USH2A: variants seen among roughly 807,000 people sequenced by gnomAD.
USH2A encodes the protein usherin, also known as Usher syndrome 2A (autosomal recessive, mild).
A neutral mutation model predicts 538.9 loss-of-function variants in USH2A; 443 were observed. That is an observed-to-expected ratio of 0.82 (90% CI 0.76 to 0.89). The LOEUF (loss-of-function observed/expected upper bound fraction) is 0.89. Ranked by LOEUF, USH2A falls within the 40% of genes least tolerant of loss-of-function variation. The probability of loss-of-function intolerance (pLI) is 0.00; values close to 1 mark genes in which losing one functional copy is unlikely to be tolerated. For missense variants in USH2A, 6,633 were observed against 6,324.8 expected (o/e 1.05, Z -1.65); for synonymous variants, 2,413 against 2,273.5 (o/e 1.06, Z -1.75).
chr1:216,135,628 T>C (rs1043217059), intron 21 of USH2A, among the ~76,000 whole-genome samples: 1 of 152,066 alleles, frequency 6.6e-6, no homozygotes, highest in African/African-American at 2.4e-5. Context: ...ATACACCAAA[T>C]GGGAAAATGA....
intron 58 of USH2A, among the ~76,000 whole-genome samples, chr1:215,752,674 C>T (rs1439312726): frequency 1.3e-5 from 2 of 152,150 alleles, no homozygotes; most frequent in African/African-American, 2.4e-5. Context: ...AGGGGCTCAC[C>T]ACTTCCACAA....
intron 49 of USH2A, among the ~76,000 whole-genome samples, chr1:215,808,062 A>G (rs1203851885): frequency 6.6e-6 from 1 of 152,134 alleles, no homozygotes; most frequent in Non-Finnish European, 1.5e-5. Flanking sequence ...TCCAGAACCA[A>G]TATCTTATTC....
intron 3 of USH2A, among the ~76,000 whole-genome samples, chr1:216,395,014 A>G (rs1055727050): frequency 4.2e-4 from 64 of 152,192 alleles, no homozygotes; most frequent in Non-Finnish European, 6.0e-4. Context: ...CACCGCGCCC[A>G]GCCGGTCCAG....
rs776936577 is a variant in USH2A, at chr1:215,647,616, G to A, written c.14697C>T (p.Leu4899=). Residue 4899 remains leucine, a synonymous_variant, in exon 67 of 72, where the codon CTC becomes CTT. Coordinates refer to ENST00000307340, the MANE Select transcript of USH2A (RefSeq NM_206933.4). ...GLGQKASLGG[L]QPYTTYKLRV... ...TCAGCTTGTATGTGGTGTAGGGCTG[G>A]AGACCCCCAAGGCTGGCTTTCTGCC... 2 of 1,614,044 alleles carry A rather than the reference G, an allele frequency of 1.2e-6. No individual in the cohort carries two copies. Among genetic ancestry groups the A allele is most frequent in the Non-Finnish European group, 1.7e-6 (2 of 1,180,042 alleles).
At chr1:215,762,347 A>C (rs937515916) in intron 56 of USH2A, among the ~76,000 whole-genome samples, 1 of 152,194 alleles carries the variant, frequency 6.6e-6, no homozygotes, top group African/African-American at 2.4e-5. Flanking sequence ...AAGGTACTAG[A>C]ATGGCTATTG....
At chr1:215,825,701 A>G (rs570145380) in intron 47 of USH2A, among the ~76,000 whole-genome samples, 113 of 152,254 alleles carry the variant, frequency 7.4e-4, no homozygotes, top group Non-Finnish European at 5.9e-5. Context: ...TTTATGTAAC[A>G]CTCAAGTTCT....
intron 64 of USH2A, among the ~76,000 whole-genome samples, chr1:215,654,959 C>T (rs527601956): frequency 6.6e-6 from 1 of 152,348 alleles, no homozygotes; most frequent in South Asian, 2.1e-4. Context: ...GCCATAATCA[C>T]ATTGCTGTGA....
intron 37 of USH2A, among the ~76,000 whole-genome samples, chr1:215,954,379 C>A (rs1357462675): frequency 6.6e-6 from 1 of 152,004 alleles, no homozygotes; most frequent in East Asian, 1.9e-4. Flanking sequence ...GAATACTATG[C>A]AGCCATAAAA....
At position 216,145,485 on chromosome 1, in the gene USH2A, A is replaced by T. The variant is rs542602610; in HGVS notation, c.4627+29767T>A. Reference sequence around the variant, plus strand: ...AGGCTTAATTCAGTATTTTAAGATTAAAAAAAATCTTGTTGATTACTTGCT... The same window carrying T: ...AGGCTTAATTCAGTATTTTAAGATTTAAAAAAATCTTGTTGATTACTTGCT... On this transcript the variant is annotated intron_variant, in intron 21 of 71. Coordinates refer to ENST00000307340, the MANE Select transcript of USH2A (RefSeq NM_206933.4). Among the ~76,000 whole-genome samples, 10 of 152,262 alleles carry T rather than the reference A, an allele frequency of 6.6e-5. No individual in the cohort carries two copies. In the South Asian group the frequency reaches 1.0e-3, roughly 16 times the overall value.
rs143654760 is a variant in USH2A, at chr1:215,881,870, G to T, written c.8224-2772C>A. Among the ~76,000 whole-genome samples the T allele has an allele frequency of 3.1e-3, 477 of 152,228 alleles. 5 individuals carry two copies. The highest frequency in any genetic ancestry group is 0.011 in the African/African-American group (456 of 41,548). ...CTTCAGAAAATAGGACGGCTAAATTGCCGGTTAAGTGTTTAAGGAACGATT... is the reference window on the plus strand; with the variant it reads ...CTTCAGAAAATAGGACGGCTAAATTTCCGGTTAAGTGTTTAAGGAACGATT... On this transcript the variant is annotated intron_variant, in intron 41 of 71. Transcript: ENST00000307340.
intron 61 of USH2A, among the ~76,000 whole-genome samples, chr1:215,700,773 G>A (rs1213483877): frequency 3.3e-5 from 5 of 151,844 alleles, no homozygotes; most frequent in Admixed American, 6.6e-5. Context: ...TGGATTTATC[G>A]ATTTTTTGAA....
At chr1:215,799,197 T>C in intron 49 of USH2A, 72 bp from the exon 50 acceptor site, 2 of 1,442,706 alleles carry the variant, frequency 1.4e-6, no homozygotes, top group Middle Eastern at 2.1e-4. Context: ...TTAACTTTTA[T>C]CACAATCATC....
intron 20 of USH2A, among the ~76,000 whole-genome samples, chr1:216,182,461 C>A (rs2034512589): frequency 6.6e-6 from 1 of 152,020 alleles, no homozygotes. Context: ...TAAATATAGA[C>A]CTGGCCACAG....
chr1:215,825,807 C>T (rs1445394643), intron 47 of USH2A, among the ~76,000 whole-genome samples: 2 of 152,134 alleles, frequency 1.3e-5, no homozygotes, highest in African/African-American at 2.4e-5. Context: ...TCTTTGCTTT[C>T]AAGTCAAGTC....
At chr1:215,646,200 C>G (rs1656846914) in intron 67 of USH2A, among the ~76,000 whole-genome samples, 1 of 152,042 alleles carries the variant, frequency 6.6e-6, no homozygotes, top group Admixed American at 6.6e-5. Context: ...TGGCATGTGA[C>G]CTGTGCTGTT....
At chr1:215,725,762 GC>G (rs1180918408) in intron 61 of USH2A, among the ~76,000 whole-genome samples, 2 of 152,172 alleles carry the variant, frequency 1.3e-5, no homozygotes, top group East Asian at 3.9e-4. Flanking sequence ...CAAAATGAAA[GC>G]CACATCAGGG....
At chr1:215,783,430 C>T (rs987056734) in intron 52 of USH2A, among the ~76,000 whole-genome samples, 3 of 152,058 alleles carry the variant, frequency 2.0e-5, no homozygotes, top group African/African-American at 7.2e-5. Context: ...TATCATGGTA[C>T]CATGTTAGTG....
Position 216,070,209 on chromosome 1 carries a change from TGACAACAG to T in USH2A, c.5933_5940del (p.Pro1978GlnfsTer5). 1.2e-6 allele frequency: 2 copies of T among 1,614,058 alleles called. No homozygotes were observed. The highest frequency in any genetic ancestry group is 1.7e-6 in the Non-Finnish European group (2 of 1,179,944). On this transcript the variant is annotated frameshift_variant, in exon 30 of 72. Coordinates refer to ENST00000307340, the MANE Select transcript of USH2A (RefSeq NM_206933.4). LOFTEE classifies it high-confidence loss of function. Reference sequence around the variant, plus strand: ...AGAATGTACTTCTCAATTACACCTCTGACAACAGGTTCATCCCAGGTCACCTCAATGCT... The same window carrying T: ...AGAATGTACTTCTCAATTACACCTCTGTTCATCCCAGGTCACCTCAATGCT...
chr1:215,733,409 A>T (rs942760538), intron 60 of USH2A, among the ~76,000 whole-genome samples: 1 of 152,144 alleles, frequency 6.6e-6, no homozygotes, highest in Non-Finnish European at 1.5e-5. Context: ...ACAAACATAC[A>T]AACTATATTA....
Sources: allele counts gnomAD v4.1 joint callset (sites outside exome capture counted in the v4.1 genomes callset), GRCh38; gene constraint gnomAD v4.1.1; transcripts MANE v1.5; gene names NCBI Gene and HGNC (gene_info 2026-07-23, HGNC 2026-07-21).